Variants in SOS2 observed in about 807,000 individuals in gnomAD.
The protein encoded by SOS2 is SOS Ras/Rho guanine nucleotide exchange factor 2.
In SOS2, 65 loss-of-function variants were observed where a neutral mutation model predicts 148.2. That is an observed-to-expected ratio of 0.44 (90% CI 0.36 to 0.54). SOS2 has a LOEUF of 0.54. SOS2 is among the 20% of genes least tolerant of loss of function. The pLI, the probability that SOS2 is intolerant of heterozygous loss-of-function variation, is 0.00. For synonymous variants in SOS2, 539 were observed against 537.1 expected (o/e 1.00, Z -0.05); for missense variants, 1,341 against 1,590.2 (o/e 0.84, Z 2.67).
At chr14:50,161,110 C>T (rs1393872508) in intron 9 of SOS2, among the ~76,000 whole-genome samples, 3 of 151,816 alleles carry the variant, frequency 2.0e-5, no homozygotes, top group Non-Finnish European at 4.4e-5. Context: ...CTGGCCGACG[C>T]GGTAAAACCC....
chr14:50,210,609 G>C (rs1271257729), intron 1 of SOS2, among the ~76,000 whole-genome samples: 1 of 151,972 alleles, frequency 6.6e-6, no homozygotes, highest in East Asian at 1.9e-4. Flanking sequence ...GCAAGTTACA[G>C]AGTTGGAGAA....
chr14:50,178,670 G>GTGTA (rs1566839555), intron 7 of SOS2, among the ~76,000 whole-genome samples: 75 of 68,014 alleles, frequency 1.1e-3, no homozygotes, highest in South Asian at 5.2e-3. Flanking sequence ...GTGTGTGTGT[G>GTGTA]CATATATATA....
intron 7 of SOS2, among the ~76,000 whole-genome samples, chr14:50,178,671 CATATATATATATATATATAT>C (rs1170021476): frequency 6.9e-5 from 1 of 14,454 alleles, no homozygotes; most frequent in South Asian, 9.2e-4. Flanking sequence ...TGTGTGTGTG[CATATATATATATATATATAT>C]ATATATATAT....
In SOS2 at chr14:50,189,331, C is replaced by CAAAAAAAAAAAAA. The variant is rs761860061; in HGVS notation, c.511-644_511-632dup. On this transcript the variant is annotated intron_variant, in intron 4 of 22. Transcript: ENST00000216373. ...ACACACACACACACACACATAATAG[C>CAAAAAAAAAAAAA]AAAAAAAAAAAAAAAAAGCAAGCCT... Among the ~76,000 whole-genome samples, 125 of 31,452 alleles carry CAAAAAAAAAAAAA rather than the reference C, an allele frequency of 4.0e-3. 22 individuals are homozygous for CAAAAAAAAAAAAA. The highest frequency in any genetic ancestry group is 7.6e-3 in the African/African-American group (81 of 10,620). The allele number at this position is 31,452 out of a possible 152,430, so 20.6% of individuals were successfully genotyped here.
chr14:50,193,982 C>A (rs1396902823), intron 4 of SOS2, among the ~76,000 whole-genome samples: 2 of 152,132 alleles, frequency 1.3e-5, no homozygotes, highest in Non-Finnish European at 2.9e-5. Context: ...TGAGCTCAGA[C>A]AATCTGCCCG....
chr14:50,152,896 C>T (rs912014763), intron 13 of SOS2, among the ~76,000 whole-genome samples, 174 bp downstream of exon 13: 2 of 151,450 alleles, frequency 1.3e-5, no homozygotes, highest in African/African-American at 4.9e-5. Context: ...ACCTGGGAGG[C>T]GGAGGTTGCA....
rs1049340921 is a variant in SOS2 at position 50,153,102 on chromosome 14, T to C, written c.2129A>G (p.Glu710Gly). The C allele has an allele frequency of 1.3e-6, 2 of 1,599,008 alleles. No homozygotes were observed. Among genetic ancestry groups the C allele is most frequent in the Non-Finnish European group, 8.6e-7 (1 of 1,167,586 alleles). Reference sequence around the variant, plus strand: ...ACTTGAAATGAAGGATTCTAGTCTTTCAAGCAATTCCAAGTCTCTTTCAAA... The same window carrying C: ...ACTTGAAATGAAGGATTCTAGTCTTCCAAGCAATTCCAAGTCTCTTTCAAA... ...YDFERDLELLERLESFISSVR... is the reference protein window; with the variant it reads ...YDFERDLELLGRLESFISSVR... Residue 710 changes from glutamate to glycine, a missense_variant, in exon 13 of 23, where the codon GAA (glutamate) becomes GGA (glycine). Physicochemically the swap from Glu to Gly is moderately conservative, Grantham distance 98. This residue lies in a region of SOS2 where 408 missense variants were observed against 506.6 expected (regional missense o/e 0.81). Coordinates refer to ENST00000216373, the MANE Select transcript of SOS2 (RefSeq NM_006939.4).
At chr14:50,121,082 A>G (rs1332438397) in intron 21 of SOS2, among the ~76,000 whole-genome samples, 1 of 152,030 alleles carries the variant, frequency 6.6e-6, no homozygotes, top group Non-Finnish European at 1.5e-5. Flanking sequence ...ACATCACCAC[A>G]CAGGTAATAA....
chr14:50,225,949 T>G (rs1229586481), intron 1 of SOS2, among the ~76,000 whole-genome samples: 3 of 135,880 alleles, frequency 2.2e-5, no homozygotes, highest in Non-Finnish European at 5.3e-5. Flanking sequence ...CTGAGACCTA[T>G]TCAAAACAAA....
intron 1 of SOS2, chr14:50,230,817 C>T: frequency 1.1e-6 from 1 of 876,158 alleles, no homozygotes; most frequent in Non-Finnish European, 1.4e-6. Flanking sequence ...TCCCAAAGAA[C>T]TTAATTAAAA....
intron 1 of SOS2, among the ~76,000 whole-genome samples, chr14:50,218,215 AAGG>A: frequency 9.1e-6 from 1 of 110,014 alleles, no homozygotes. Flanking sequence ...ACTTCGATAA[AAGG>A]AAAAAAAAAA....
chr14:50,224,306 T>A (rs375919723), intron 1 of SOS2, among the ~76,000 whole-genome samples: 8,356 of 47,298 alleles, frequency 0.18, 820 homozygotes, highest in East Asian at 0.42. Flanking sequence ...AAAAAAAAAA[T>A]ATATATATAC....
rs574588468 is a variant in SOS2, at chr14:50,183,080, G to C, written c.715-474C>G. On this transcript the variant is annotated intron_variant, in intron 5 of 22. Transcript: ENST00000216373. ...AGCAGAATTTTTGCATTTTGCTCTT[G>C]GGAAAACTCATTCTTTGTAAAAATA... Among the ~76,000 whole-genome samples, 3 of 152,096 alleles carry C rather than the reference G, an allele frequency of 2.0e-5. No homozygotes were observed. In the South Asian group the frequency reaches 6.2e-4, roughly 32 times the overall value.
At position 50,140,074 on chromosome 14, in the gene SOS2, A is replaced by G; in HGVS notation, c.2668-15T>C. 1 of 1,152,100 alleles carries G rather than the reference A, an allele frequency of 8.7e-7. No individual in the cohort carries two copies. Among genetic ancestry groups the G allele is most frequent in the Non-Finnish European group, 1.3e-6 (1 of 782,614 alleles). The allele number at this position is 1,152,100 out of a possible 1,614,324, so 71.4% of individuals were successfully genotyped here. A position where few individuals can be genotyped will look rare whatever the true frequency, so the allele number is the denominator to read the frequency against. On this transcript the variant is annotated splice_polypyrimidine_tract_variant and intron_variant, in intron 16 of 22. Coordinates refer to ENST00000216373, the MANE Select transcript of SOS2 (RefSeq NM_006939.4). ...TCCTGCAGTGCCTTAAAGTATACAT[A>G]AATTGAGTATAAATTTTTTACAATT...
chr14:50,231,444 G>T lies in SOS2; in HGVS notation c.-161C>A, dbSNP rs1955859927. ...TCGGAGGCGGCGCCGGCGGGCTGGC[G>T]GAGACCCCGGGGTCGGCTTCCTCCG... On this transcript the variant is annotated 5_prime_UTR_variant, in exon 1 of 23. Transcript: ENST00000216373. The T allele has an allele frequency of 6.5e-6, 1 of 152,970 alleles. No individual in the cohort carries two copies. Among genetic ancestry groups the T allele is most frequent in the Non-Finnish European group, 1.4e-5 (1 of 70,298 alleles). 9.5% of individuals were successfully genotyped at this position (152,970 alleles called of 1,614,324 possible).
intron 1 of SOS2, among the ~76,000 whole-genome samples, chr14:50,227,588 G>A (rs1441190501): frequency 6.6e-6 from 1 of 151,716 alleles, no homozygotes; most frequent in African/African-American, 2.4e-5. Context: ...TAATTTTTTG[G>A]GTTTTTTTCT....
Position 50,148,183 on chromosome 14 carries a change from G to A in SOS2, c.2384+1825C>T, listed in dbSNP as rs1223190633. The stretch of plus-strand genomic sequence containing the variant: ...TCCCAGCACTTTGGGAGGCTGAGGT[G>A]GGTGGATCACTGGAGGTAAGGAGTT... On this transcript the variant is annotated intron_variant, in intron 14 of 22. Coordinates refer to ENST00000216373, the MANE Select transcript of SOS2 (RefSeq NM_006939.4). Among the ~76,000 whole-genome samples the A allele has an allele frequency of 2.0e-5, 3 of 152,020 alleles. No homozygotes were observed. In the East Asian group the frequency reaches 5.8e-4, roughly 29 times the overall value.
At chr14:50,189,639 T>C (rs918824468) in intron 4 of SOS2, among the ~76,000 whole-genome samples, 4 of 152,158 alleles carry the variant, frequency 2.6e-5, no homozygotes, top group African/African-American at 9.7e-5. Context: ...AGGCACACGA[T>C]AGATCAGTGC....
chr14:50,225,482 T>C (rs945976839), intron 1 of SOS2, among the ~76,000 whole-genome samples: 4 of 152,222 alleles, frequency 2.6e-5, no homozygotes, highest in Admixed American at 1.3e-4. Flanking sequence ...TGGAATATTA[T>C]TGCTCCAAAT....
Sources: allele counts gnomAD v4.1 joint callset (sites outside exome capture counted in the v4.1 genomes callset), GRCh38; gene constraint gnomAD v4.1.1; regional missense constraint gnomAD v4.1.1; transcripts MANE v1.5; gene names NCBI Gene and HGNC (gene_info 2026-07-23, HGNC 2026-07-21).